Variants in NFIB observed in about 807,000 individuals in gnomAD.
NFIB encodes the protein nuclear factor 1 B-type.
Under a neutral mutation model 61.5 loss-of-function variants are expected in NFIB, and 11 were observed. That is an observed-to-expected ratio of 0.18 (90% confidence interval 0.11 to 0.30). NFIB has a LOEUF of 0.30. NFIB is among the 10% of genes least tolerant of loss of function. The probability of loss-of-function intolerance (pLI) is 1.00; values close to 1 mark genes in which losing one functional copy is unlikely to be tolerated. For missense variants in NFIB, 471 were observed against 608.9 expected, an observed-to-expected ratio of 0.77 and a Z score of 2.38; for synonymous variants, 260 against 216.5, an observed-to-expected ratio of 1.20 and a Z score of -1.76.
intron 2 of NFIB, among the ~76,000 whole-genome samples, chr9:14,185,008 T>A (rs527832001): frequency 1.3e-5 from 2 of 152,152 alleles, no homozygotes; most frequent in African/African-American, 4.8e-5. Context: ...CTGGTAATGT[T>A]TGGAACACAG....
intron 2 of NFIB, among the ~76,000 whole-genome samples, chr9:14,238,422 C>T (rs948545371): frequency 1.3e-5 from 2 of 152,096 alleles, no homozygotes; most frequent in African/African-American, 4.8e-5. Flanking sequence ...TAAAAATTCA[C>T]TGCATTAAAA....
the NFIB span, among the ~76,000 whole-genome samples, chr9:14,502,122 TAGAA>T: frequency 1.3e-5 from 2 of 152,216 alleles, no homozygotes; most frequent in African/African-American, 4.8e-5. Flanking sequence ...TTGTGAGTTT[TAGAA>T]AGGACGTATG....
intron 2 of NFIB, among the ~76,000 whole-genome samples, chr9:14,247,392 G>A (rs746599048): frequency 6.6e-6 from 1 of 152,194 alleles, no homozygotes; most frequent in Non-Finnish European, 1.5e-5. Flanking sequence ...TGCAGGGAGA[G>A]GCAGTGACCA....
At chr9:14,329,767 C>T (rs556575530) in intron 1 of NFIB, among the ~76,000 whole-genome samples, 1 of 151,684 alleles carries the variant, frequency 6.6e-6, no homozygotes, top group African/African-American at 2.4e-5. Flanking sequence ...CCCGCCTCAG[C>T]CTCCCAAAGT....
chr9:14,114,511 G>C (rs1447955854), intron 9 of NFIB, among the ~76,000 whole-genome samples: 2 of 152,160 alleles, frequency 1.3e-5, no homozygotes, highest in Non-Finnish European at 2.9e-5. Flanking sequence ...TTATAGGAAA[G>C]AAAAACTACT....
At chr9:14,240,901 G>A (rs553085739) in intron 2 of NFIB, among the ~76,000 whole-genome samples, 3 of 152,288 alleles carry the variant, frequency 2.0e-5, no homozygotes, top group South Asian at 4.1e-4. Context: ...AAGTGACAGC[G>A]TAAGATGGAG....
At chr9:14,134,353 C>T (rs1350991985) in intron 6 of NFIB, among the ~76,000 whole-genome samples, 4 of 151,970 alleles carry the variant, frequency 2.6e-5, no homozygotes, top group African/African-American at 7.3e-5. Flanking sequence ...TATTTATTCC[C>T]GTAGCAAAAT....
intron 2 of NFIB, among the ~76,000 whole-genome samples, chr9:14,290,673 T>C (rs1047480582): frequency 4.6e-5 from 7 of 152,058 alleles, no homozygotes; most frequent in African/African-American, 1.7e-4. Context: ...AATATACACA[T>C]AAAGTGGAAA....
At chr9:14,499,358 G>C in the NFIB span, among the ~76,000 whole-genome samples, 1 of 152,088 alleles carries the variant, frequency 6.6e-6, no homozygotes, top group Non-Finnish European at 1.5e-5. Flanking sequence ...TGGAAGCTGG[G>C]AAGGTGGTCA....
chr9:14,438,816 G>C, the NFIB span, among the ~76,000 whole-genome samples: 2 of 152,118 alleles, frequency 1.3e-5, no homozygotes, highest in Non-Finnish European at 2.9e-5. Flanking sequence ...CTGAAGGCCT[G>C]GGGCGGCAGA....
intron 1 of NFIB, among the ~76,000 whole-genome samples, chr9:14,376,240 TTG>T (rs999314339): frequency 1.9e-4 from 29 of 152,322 alleles, no homozygotes; most frequent in African/African-American, 5.8e-4. Context: ...ATGGAACTTT[TTG>T]TGTGCATAAC....
chr9:14,083,811 C>A lies in NFIB; in HGVS notation c.*4498G>T. ...TGAGTCCTTATGAAGCTACAAGTCA[C>A]AAATCCAAGATTCTGCTCCCTGAGG... On this transcript the variant is annotated 3_prime_UTR_variant, in exon 11 of 11. Transcript: ENST00000380953. 4.4e-6 allele frequency: 1 copy of A among 226,606 alleles called. No individual in the cohort carries two copies. Among genetic ancestry groups the A allele is most frequent in the Non-Finnish European group, 8.8e-6 (1 of 113,640 alleles). The allele number at this position is 226,606 out of a possible 1,614,324, so 14.0% of individuals were successfully genotyped here.
intron 3 of NFIB, among the ~76,000 whole-genome samples, chr9:14,160,390 T>A (rs1283954197): frequency 6.6e-6 from 1 of 152,102 alleles, no homozygotes; most frequent in Non-Finnish European, 1.5e-5. Flanking sequence ...AAAGGAAGAC[T>A]GATAATGCTC....
rs80003943 is a variant in NFIB at position 14,085,998 on chromosome 9, G to C, written c.*2311C>G. On this transcript the variant is annotated 3_prime_UTR_variant, in exon 11 of 11. Coordinates refer to ENST00000380953, the MANE Select transcript of NFIB (RefSeq NM_001190737.2). ...TCAAGAAAAACTATCACCAAGCCAA[G>C]TCTGCCTTTTTAAGCCAAGTCTGCC... is the stretch of plus-strand genomic sequence containing the variant. 6.1e-5 allele frequency: 14 copies of C among 229,696 alleles called. No individual in the cohort carries two copies. In the East Asian group the frequency reaches 8.7e-4, roughly 14 times the overall value. 14.2% of individuals were successfully genotyped at this position (229,696 alleles called of 1,614,324 possible).
chr9:14,226,616 A>G (rs561822660), intron 2 of NFIB, among the ~76,000 whole-genome samples: 1 of 152,210 alleles, frequency 6.6e-6, no homozygotes, highest in East Asian at 1.9e-4. Context: ...TATGAGCTTT[A>G]TTAATATAAG....
chr9:14,392,246 A>G (rs1564054456), intron 1 of NFIB, among the ~76,000 whole-genome samples: 1 of 152,178 alleles, frequency 6.6e-6, no homozygotes, highest in Non-Finnish European at 1.5e-5. Context: ...TTAGGTAAAA[A>G]AATGAAGAAA....
At chr9:14,226,095 T>C (rs2052377136) in intron 2 of NFIB, among the ~76,000 whole-genome samples, 2 of 152,192 alleles carry the variant, frequency 1.3e-5, no homozygotes, top group South Asian at 4.1e-4. Flanking sequence ...AAGAGCATTT[T>C]TTTTTTTCTA....
At chr9:14,400,120 C>T (rs991017321), upstream of NFIB, among the ~76,000 whole-genome samples, 1 of 151,910 alleles carries the variant, frequency 6.6e-6, no homozygotes, top group South Asian at 2.1e-4. Context: ...TAGTGTATTG[C>T]AAGCAGCAGA....
intron 1 of NFIB, among the ~76,000 whole-genome samples, chr9:14,368,083 C>T (rs2061322035): frequency 6.6e-6 from 1 of 150,778 alleles, no homozygotes; most frequent in South Asian, 2.1e-4. Flanking sequence ...AAACTTGGGA[C>T]ATGTATACCT....
Sources: allele counts gnomAD v4.1 joint callset (sites outside exome capture counted in the v4.1 genomes callset), GRCh38; gene constraint gnomAD v4.1.1; transcripts MANE v1.5; gene names NCBI Gene and HGNC (gene_info 2026-07-23, HGNC 2026-07-21).